The following CORO2B variants were observed in gnomAD, a reference collection of about 807,000 sequenced individuals.
CORO2B encodes coronin 2B.
In CORO2B, 26 loss-of-function variants were observed where a neutral mutation model predicts 58.8. The ratio of observed to expected loss-of-function variants is 0.44; its 90% CI spans 0.32 to 0.61. The LOEUF (loss-of-function observed/expected upper bound fraction) is 0.61, where lower values mean the gene tolerates loss of function less well. Ranked by LOEUF, CORO2B falls within the 20% of genes least tolerant of loss-of-function variation. The probability of loss-of-function intolerance (pLI) is 0.04; values close to 1 mark genes in which losing one functional copy is unlikely to be tolerated. For missense variants in CORO2B, 460 were observed against 645.1 expected (o/e 0.71, Z 3.11); for synonymous variants, 242 against 253.8 (o/e 0.95, Z 0.44).
Position 68,579,524 on chromosome 15 carries a change from C to A in CORO2B, c.15+247C>A, listed in dbSNP as rs1899371114. 3.9e-5 allele frequency among the ~76,000 whole-genome samples: 6 copies of A among 152,308 alleles called. No homozygotes were observed. The South Asian group carries it at 1.2e-3, about 32-fold the overall frequency. ...CAACATCCCTCCGCGCCCGGCCCAA[C>A]CCCGGGACTGCATTTTTAACCCTTG... is the stretch of plus-strand genomic sequence containing the variant. On this transcript the variant is annotated intron_variant, in intron 1 of 11. Transcript: ENST00000261861.
the CORO2B span, among the ~76,000 whole-genome samples, chr15:68,531,551 GGAAGGAAAGAAAGA>G: frequency 3.2e-3 from 120 of 37,690 alleles, no homozygotes; most frequent in African/African-American, 9.1e-3. Flanking sequence ...AAGGAAGGAA[GGAAGGAAAGAAAGA>G]GAAAGAAAGA....
intron 2 of CORO2B, among the ~76,000 whole-genome samples, chr15:68,673,480 T>G (rs1405413131): frequency 2.6e-5 from 4 of 152,134 alleles, no homozygotes; most frequent in Non-Finnish European, 4.4e-5. Flanking sequence ...ATCATGCCAC[T>G]GTACTCTGGC....
the CORO2B span, among the ~76,000 whole-genome samples, chr15:68,552,477 T>TG: frequency 2.1e-3 from 260 of 124,964 alleles, no homozygotes; most frequent in African/African-American, 5.7e-3. Flanking sequence ...CGCGGGGGGG[T>TG]GGGGGGGGCA....
chr15:68,676,600 C>G (rs947067223), intron 2 of CORO2B, among the ~76,000 whole-genome samples: 1 of 152,210 alleles, frequency 6.6e-6, no homozygotes, highest in Non-Finnish European at 1.5e-5. Context: ...ATGAGACTCT[C>G]AAGCTGGAGT....
intron 2 of CORO2B, among the ~76,000 whole-genome samples, chr15:68,669,195 C>CAAGT (rs1462688390): frequency 6.6e-6 from 1 of 151,976 alleles, no homozygotes; most frequent in African/African-American, 2.4e-5. Flanking sequence ...AGGAAGCAAG[C>CAAGT]AAGCAAGCAA....
chr15:68,697,924 C>T (rs1223287664), intron 3 of CORO2B, among the ~76,000 whole-genome samples: 1 of 152,162 alleles, frequency 6.6e-6, no homozygotes, highest in Non-Finnish European at 1.5e-5. Flanking sequence ...AGAAGGAATG[C>T]GGTGACCACA....
chr15:68,538,527 T>G, the CORO2B span, among the ~76,000 whole-genome samples: 1 of 152,246 alleles, frequency 6.6e-6, no homozygotes, highest in Non-Finnish European at 1.5e-5. Context: ...TACTGGAGTC[T>G]GCGGTGGCTT....
At chr15:68,567,406 T>A in the CORO2B span, among the ~76,000 whole-genome samples, 1 of 152,136 alleles carries the variant, frequency 6.6e-6, no homozygotes, top group African/African-American at 2.4e-5. Flanking sequence ...GGGCAGTAAA[T>A]TTCTAGGGAA....
chr15:68,518,744 C>T, the CORO2B span, among the ~76,000 whole-genome samples: 1 of 152,084 alleles, frequency 6.6e-6, no homozygotes, highest in South Asian at 2.1e-4. Flanking sequence ...CCCTCCCTTG[C>T]TCCTTTCTGA....
the CORO2B span, among the ~76,000 whole-genome samples, chr15:68,528,513 C>G: frequency 6.6e-6 from 1 of 151,936 alleles, no homozygotes; most frequent in Non-Finnish European, 1.5e-5. Flanking sequence ...ATATATTATC[C>G]CTTAAAATAT....
At chr15:68,703,308 G>T (rs958743429) in intron 3 of CORO2B, among the ~76,000 whole-genome samples, 1 of 148,228 alleles carries the variant, frequency 6.7e-6, no homozygotes. Context: ...GCGCTACCAC[G>T]CCCAGTTAAT....
At chr15:68,681,401 G>T (rs1305528431) in intron 2 of CORO2B, among the ~76,000 whole-genome samples, 2 of 151,812 alleles carry the variant, frequency 1.3e-5, no homozygotes, top group Admixed American at 6.6e-5. Flanking sequence ...CCAGTGAGGA[G>T]CCCCCTGATT....
At chr15:68,541,469 G>A in the CORO2B span, among the ~76,000 whole-genome samples, 8 of 152,274 alleles carry the variant, frequency 5.3e-5, no homozygotes, top group East Asian at 1.4e-3. Flanking sequence ...TGGAGGAAAA[G>A]GTGATGGGGG....
At chr15:68,529,716 C>G in the CORO2B span, among the ~76,000 whole-genome samples, 1 of 152,114 alleles carries the variant, frequency 6.6e-6, no homozygotes, top group African/African-American at 2.4e-5. Context: ...GTAATTTGCT[C>G]TTCTGTTTCT....
At chr15:68,672,454 G>T (rs745306529) in intron 2 of CORO2B, among the ~76,000 whole-genome samples, 2 of 151,880 alleles carry the variant, frequency 1.3e-5, no homozygotes, top group Non-Finnish European at 2.9e-5. Flanking sequence ...GCTAATTTTT[G>T]TGTGTGTACA....
chr15:68,648,386 C>T (rs1901524649), intron 2 of CORO2B, among the ~76,000 whole-genome samples: 1 of 151,450 alleles, frequency 6.6e-6, no homozygotes, highest in Admixed American at 6.6e-5. Context: ...GTGGCTCACG[C>T]CTGTAATCCC....
At chr15:68,601,511 T>G (rs938889068) in intron 1 of CORO2B, among the ~76,000 whole-genome samples, 2 of 152,058 alleles carry the variant, frequency 1.3e-5, no homozygotes, top group African/African-American at 2.4e-5. Context: ...GAGCGTGCAG[T>G]GCGAGGAGGG....
chr15:68,704,233 G>A (rs750258597), intron 3 of CORO2B, among the ~76,000 whole-genome samples: 26 of 149,382 alleles, frequency 1.7e-4, no homozygotes, highest in Non-Finnish European at 1.0e-4. Context: ...GAGCAAGACC[G>A]TGTCTGAAAA....
intron 2 of CORO2B, among the ~76,000 whole-genome samples, chr15:68,672,280 G>A (rs1001486140): frequency 4.6e-5 from 7 of 151,906 alleles, no homozygotes; most frequent in African/African-American, 1.7e-4. Flanking sequence ...CTGTCGCCCA[G>A]GCTGGGGTGC....
Sources: allele counts gnomAD v4.1 joint callset (sites outside exome capture counted in the v4.1 genomes callset), GRCh38; gene constraint gnomAD v4.1.1; transcripts MANE v1.5; gene names NCBI Gene and HGNC (gene_info 2026-07-23, HGNC 2026-07-21).